Variants in SLC35F3 observed in about 807,000 individuals in gnomAD.
SLC35F3 encodes solute carrier family 35 member F3, also known as putative thiamine transporter SLC35F3.
Under a neutral mutation model 49.9 loss-of-function variants are expected in SLC35F3, and 25 were observed. The ratio of observed to expected loss-of-function variants is 0.50; its 90% CI spans 0.37 to 0.70. The LOEUF (loss-of-function observed/expected upper bound fraction) is 0.70. SLC35F3 is among the 30% of genes least tolerant of loss of function. The pLI is 0.00. For missense variants in SLC35F3, 525 were observed against 639.8 expected (o/e 0.82, Z 1.94); for synonymous variants, 275 against 265.4 (o/e 1.04, Z -0.35).
At chr1:234,279,219 T>C (rs754173482) in intron 3 of SLC35F3, among the ~76,000 whole-genome samples, 3 of 152,126 alleles carry the variant, frequency 2.0e-5, no homozygotes, top group African/African-American at 4.8e-5. Context: ...TTACATTCTT[T>C]TGAGTTTCTG....
chr1:234,139,402 C>T (rs757456189), intron 2 of SLC35F3, among the ~76,000 whole-genome samples: 12 of 152,160 alleles, frequency 7.9e-5, no homozygotes, highest in Non-Finnish European at 1.8e-4. Context: ...TGAAATAATA[C>T]TGTAGATCCC....
intron 3 of SLC35F3, among the ~76,000 whole-genome samples, chr1:234,252,364 T>G (rs1350464900): frequency 6.6e-6 from 1 of 152,126 alleles, no homozygotes; most frequent in Admixed American, 6.6e-5. Flanking sequence ...GCTACCATGC[T>G]TGGCCCTAAA....
chr1:234,134,753 G>A (rs972998959), intron 2 of SLC35F3, among the ~76,000 whole-genome samples: 4 of 151,960 alleles, frequency 2.6e-5, no homozygotes, highest in Admixed American at 1.3e-4. Flanking sequence ...AGACAGTCTC[G>A]CTCTGTTGCC....
At chr1:234,113,579 T>G (rs375842667) in intron 2 of SLC35F3, among the ~76,000 whole-genome samples, 8 of 152,088 alleles carry the variant, frequency 5.3e-5, no homozygotes, top group Non-Finnish European at 1.0e-4. Context: ...TTCGGTGACA[T>G]GTAGGCAAGC....
intron 2 of SLC35F3, among the ~76,000 whole-genome samples, chr1:234,034,509 T>G (rs1664110717): frequency 6.6e-6 from 1 of 152,182 alleles, no homozygotes; most frequent in Admixed American, 6.5e-5. Flanking sequence ...TTTTATTTAT[T>G]TATTCATTCA....
chr1:234,075,071 A>G (rs1391404384), intron 2 of SLC35F3, among the ~76,000 whole-genome samples: 1 of 152,268 alleles, frequency 6.6e-6, no homozygotes, highest in Non-Finnish European at 1.5e-5. Flanking sequence ...TTAATTTTAC[A>G]TGGTAGTGAG....
intron 2 of SLC35F3, among the ~76,000 whole-genome samples, chr1:234,124,392 A>G (rs1272080338): frequency 6.6e-6 from 1 of 152,230 alleles, no homozygotes. Flanking sequence ...TGAATAGAGA[A>G]GATTTAGGGA....
At chr1:233,905,477 C>G in intron 1 of SLC35F3, 52 bp from the exon 2 acceptor site, 1 of 1,345,188 alleles carries the variant, frequency 7.4e-7, no homozygotes, top group East Asian at 2.5e-5. Context: ...CCCCTCCTCT[C>G]TGTCCATGCT....
intron 4 of SLC35F3, among the ~76,000 whole-genome samples, chr1:234,312,016 A>C (rs1263916746): frequency 6.6e-6 from 1 of 152,218 alleles, no homozygotes; most frequent in Non-Finnish European, 1.5e-5. Flanking sequence ...TCTTTTCTCC[A>C]TGGCATTATT....
At position 233,957,511 on chromosome 1, in the gene SLC35F3, T is replaced by G. The variant is rs924408749; in HGVS notation, c.283+51753T>G. On this transcript the variant is annotated intron_variant, in intron 2 of 7. Transcript: ENST00000366618. This position sits in a 1 kb window ranked among gnomAD's most constrained non-coding sequence, Gnocchi z 4.0. ...CTAGCTCCATAATTACATCAAAATT[T>G]AGTGGCATAAATACAATAACTGGCT... Among the ~76,000 whole-genome samples the G allele has an allele frequency of 1.3e-5, 2 of 152,190 alleles. No homozygotes were observed. The highest frequency in any genetic ancestry group is 4.8e-5 in the African/African-American group (2 of 41,456).
At chr1:234,063,266 C>A (rs1317332019) in intron 2 of SLC35F3, among the ~76,000 whole-genome samples, 1 of 152,162 alleles carries the variant, frequency 6.6e-6, no homozygotes, top group East Asian at 1.9e-4. Context: ...AAATTATCAC[C>A]AGACCAACTC....
At chr1:234,011,392 G>A (rs145673511) in intron 2 of SLC35F3, among the ~76,000 whole-genome samples, 19 of 152,112 alleles carry the variant, frequency 1.2e-4, no homozygotes, top group Admixed American at 2.0e-4. Flanking sequence ...TATGCTTTGC[G>A]AATATTTATT....
intron 2 of SLC35F3, among the ~76,000 whole-genome samples, chr1:233,979,903 C>T (rs1663152527): frequency 6.6e-6 from 1 of 152,196 alleles, no homozygotes; most frequent in Admixed American, 6.5e-5. Context: ...AGTCTTGTCA[C>T]CATCAACTTC....
chr1:234,181,082 C>T (rs1331776741), intron 2 of SLC35F3, among the ~76,000 whole-genome samples: 3 of 151,746 alleles, frequency 2.0e-5, no homozygotes, highest in African/African-American at 4.8e-5. Context: ...GATTGTAATC[C>T]AGCACTTTGG....
chr1:233,990,696 A>G (rs534865342), intron 2 of SLC35F3, among the ~76,000 whole-genome samples: 9 of 152,208 alleles, frequency 5.9e-5, no homozygotes, highest in Non-Finnish European at 1.3e-4. Flanking sequence ...TCATTTTACA[A>G]TGTGTGCACA....
chr1:234,199,490 C>T (rs1169586872), intron 2 of SLC35F3, among the ~76,000 whole-genome samples: 1 of 152,056 alleles, frequency 6.6e-6, no homozygotes, highest in African/African-American at 2.4e-5. Context: ...ACAAAAAAAT[C>T]AACTCAAAGT....
chr1:233,930,398 G>T (rs1449213898), intron 2 of SLC35F3, among the ~76,000 whole-genome samples: 1 of 152,156 alleles, frequency 6.6e-6, no homozygotes, highest in Non-Finnish European at 1.5e-5. Flanking sequence ...CTGCAAAGAG[G>T]TATTATAATT....
chr1:233,970,910 T>C (rs1662980226), intron 2 of SLC35F3, among the ~76,000 whole-genome samples: 1 of 152,232 alleles, frequency 6.6e-6, no homozygotes, highest in Admixed American at 6.5e-5. Flanking sequence ...CTAATAAGGA[T>C]TTTAGACTGT....
intron 2 of SLC35F3, among the ~76,000 whole-genome samples, chr1:234,220,762 C>T (rs142029012): frequency 1.3e-3 from 193 of 152,142 alleles, no homozygotes; most frequent in African/African-American, 4.4e-3. Context: ...GAAGATTATG[C>T]CTAAACAATT....
Sources: allele counts gnomAD v4.1 joint callset (sites outside exome capture counted in the v4.1 genomes callset), GRCh38; gene constraint gnomAD v4.1.1; non-coding constraint Gnocchi (gnomAD v3.1); transcripts MANE v1.5; gene names NCBI Gene and HGNC (gene_info 2026-07-23, HGNC 2026-07-21).